The following PIBF1 variants were observed in gnomAD, a reference collection of about 807,000 sequenced individuals.
PIBF1 encodes the protein progesterone immunomodulatory binding factor 1, also known as progesterone-induced-blocking factor 1.
A neutral mutation model predicts 112.5 loss-of-function variants in PIBF1; 90 were observed. That is an observed-to-expected ratio of 0.80 (90% CI 0.67 to 0.95). The LOEUF is 0.95. PIBF1 is among the 40% of genes least tolerant of loss of function. PIBF1 has a pLI of 0.00. For synonymous variants in PIBF1, 301 were observed against 288.6 expected (o/e 1.04, Z -0.44); for missense variants, 915 against 852.3 (o/e 1.07, Z -0.92).
At chr13:72,866,769 G>T (rs1233503102) in intron 10 of PIBF1, among the ~76,000 whole-genome samples, 1 of 151,988 alleles carries the variant, frequency 6.6e-6, no homozygotes, top group East Asian at 1.9e-4. Flanking sequence ...CTTTAGATTT[G>T]GGATGCTCTT....
At chr13:72,934,887 G>GC (rs928798441) in intron 14 of PIBF1, among the ~76,000 whole-genome samples, 35 of 151,946 alleles carry the variant, frequency 2.3e-4, no homozygotes, top group African/African-American at 8.0e-4. Flanking sequence ...TGGAATTCTT[G>GC]CCTCCCAACC....
chr13:72,871,317 C>T (rs2039155672), intron 10 of PIBF1, among the ~76,000 whole-genome samples: 1 of 151,998 alleles, frequency 6.6e-6, no homozygotes, highest in South Asian at 2.1e-4. Flanking sequence ...CTTTCTCTCT[C>T]TCTTTTGAGA....
At position 72,855,487 on chromosome 13, in the gene PIBF1, A is replaced by G. The variant is rs76520545; in HGVS notation, c.1322+1332A>G. On this transcript the variant is annotated intron_variant, in intron 10 of 17. Transcript: ENST00000326291. ...AACATGGTAAAACCCCGTCTCTACT[A>G]AAAATGCAAAAATTAGTAGTGTGTG... Among the ~76,000 whole-genome samples the G allele has an allele frequency of 1.8e-3, 275 of 152,188 alleles. 5 individuals are homozygous for G. The East Asian group carries it at 0.05, about 27-fold the overall frequency.
intron 2 of PIBF1, among the ~76,000 whole-genome samples, chr13:72,786,058 G>C (rs1034047936): frequency 5.5e-4 from 84 of 152,290 alleles, no homozygotes; most frequent in African/African-American, 1.9e-3. Flanking sequence ...CCTATAAAAT[G>C]ATAATAGTAT....
chr13:72,956,996 G>A (rs1031210558), intron 14 of PIBF1, among the ~76,000 whole-genome samples: 2 of 152,062 alleles, frequency 1.3e-5, no homozygotes, highest in African/African-American at 4.8e-5. Context: ...ATGGCGTAAT[G>A]AAAAAAATTT....
chr13:72,824,373 C>T (rs949844015), intron 6 of PIBF1, among the ~76,000 whole-genome samples: 9 of 151,960 alleles, frequency 5.9e-5, no homozygotes, highest in African/African-American at 2.2e-4. Flanking sequence ...GATGAGGTGC[C>T]AACTGGCTAA....
chr13:72,809,091 T>C (rs1371425243), intron 5 of PIBF1, among the ~76,000 whole-genome samples: 9 of 151,038 alleles, frequency 6.0e-5, no homozygotes, highest in South Asian at 4.2e-4. Context: ...TTATCCAAAA[T>C]GGTCTTAATT....
At chr13:72,782,626 A>G (rs892083150) in intron 1 of PIBF1, among the ~76,000 whole-genome samples, 2 of 152,172 alleles carry the variant, frequency 1.3e-5, no homozygotes, top group African/African-American at 4.8e-5. Flanking sequence ...TTAATAGCAT[A>G]ATTTGTTATA....
At chr13:72,928,622 T>G (rs1441388734) in intron 13 of PIBF1, among the ~76,000 whole-genome samples, 3 of 152,148 alleles carry the variant, frequency 2.0e-5, no homozygotes, top group Non-Finnish European at 4.4e-5. Context: ...GTATTTTTAG[T>G]AGAGACAGGG....
chr13:72,931,994 T>A (rs1291789130), intron 14 of PIBF1, among the ~76,000 whole-genome samples: 1 of 143,868 alleles, frequency 7.0e-6, no homozygotes, highest in East Asian at 2.1e-4. Context: ...CAGACTGGAG[T>A]GCAGTGGCAT....
chr13:72,807,013 A>G (rs1240612019), intron 5 of PIBF1, among the ~76,000 whole-genome samples: 3 of 151,544 alleles, frequency 2.0e-5, no homozygotes, highest in Non-Finnish European at 4.4e-5. Flanking sequence ...TTAAGGTTAC[A>G]TAATATTCCA....
At chr13:72,991,999 T>TCAGCCACCGTGCC (rs1398900753) in intron 16 of PIBF1, among the ~76,000 whole-genome samples, 1 of 152,174 alleles carries the variant, frequency 6.6e-6, no homozygotes, top group Non-Finnish European at 1.5e-5. Context: ...ATTACAGGCG[T>TCAGCCACCGTGCC]CAGCCACCGT....
chr13:72,994,787 C>A (rs1263008435), intron 16 of PIBF1, among the ~76,000 whole-genome samples: 1 of 152,114 alleles, frequency 6.6e-6, no homozygotes, highest in African/African-American at 2.4e-5. Flanking sequence ...TTTCATCTTA[C>A]CAAAGGATTT....
rs532226845 is a variant in PIBF1, at chr13:72,839,741, A to G, written c.1223+4373A>G. 3.9e-5 allele frequency among the ~76,000 whole-genome samples: 6 copies of G among 152,306 alleles called. No homozygotes were observed. In the South Asian group the frequency reaches 1.2e-3, roughly 32 times the overall value. ...TAGGTTTTTGCTGTTTTTTAAAAAA[A>G]AATCTTTAAAGTTTATCCCATTGTA... On this transcript the variant is annotated intron_variant, in intron 9 of 17. Coordinates refer to ENST00000326291, the MANE Select transcript of PIBF1 (RefSeq NM_006346.4).
chr13:72,782,750 C>T (rs1014835467), intron 1 of PIBF1, among the ~76,000 whole-genome samples: 4 of 152,078 alleles, frequency 2.6e-5, no homozygotes, highest in African/African-American at 4.8e-5. Flanking sequence ...ATTCTGCTAT[C>T]TATAAAAAAT....
intron 17 of PIBF1, among the ~76,000 whole-genome samples, chr13:73,006,751 G>T (rs2044044462): frequency 6.6e-6 from 1 of 151,950 alleles, no homozygotes; most frequent in Admixed American, 6.6e-5. Flanking sequence ...CTCTCAATGG[G>T]TTATAATCCC....
rs1211298554 is a variant in PIBF1 at position 72,895,555 on chromosome 13, A to G, written c.1488+1606A>G. On this transcript the variant is annotated intron_variant, in intron 11 of 17. Transcript: ENST00000326291. ...AAAATATGAATTCTCACTGATAAGTACCAAAATATAAATTTATAAATTTAA... is the reference window on the plus strand; with the variant it reads ...AAAATATGAATTCTCACTGATAAGTGCCAAAATATAAATTTATAAATTTAA... Among the ~76,000 whole-genome samples, 3 of 152,200 alleles carry G rather than the reference A, an allele frequency of 2.0e-5. No individual in the cohort carries two copies. In the East Asian group the frequency reaches 5.8e-4, roughly 29 times the overall value.
intron 14 of PIBF1, among the ~76,000 whole-genome samples, chr13:72,950,666 A>T (rs902994500): frequency 1.3e-5 from 2 of 152,214 alleles, no homozygotes; most frequent in African/African-American, 2.4e-5. Context: ...AGCAGTACTA[A>T]TATCAAATTC....
At chr13:72,864,961 G>C (rs930824975) in intron 10 of PIBF1, among the ~76,000 whole-genome samples, 11 of 152,082 alleles carry the variant, frequency 7.2e-5, no homozygotes, top group Admixed American at 2.0e-4. Context: ...TTTAGAGACT[G>C]CTTCTAAATT....
Sources: allele counts gnomAD v4.1 joint callset (sites outside exome capture counted in the v4.1 genomes callset), GRCh38; gene constraint gnomAD v4.1.1; transcripts MANE v1.5; gene names NCBI Gene and HGNC (gene_info 2026-07-23, HGNC 2026-07-21).